The following DLG2 variants were observed in gnomAD, a reference collection of about 807,000 sequenced individuals.
DLG2 encodes disks large homolog 2.
In DLG2, 45 loss-of-function variants were observed where a neutral mutation model predicts 132.5. The observed-to-expected ratio is 0.34, with a 90% CI of 0.27 to 0.44. The LOEUF is 0.44. DLG2 is among the 20% of genes least tolerant of loss of function. The pLI is 1.00. For synonymous variants in DLG2, 424 were observed against 419.6 expected, an observed-to-expected ratio of 1.01 and a Z score of -0.13; for missense variants, 1,045 against 1,196.9, an observed-to-expected ratio of 0.87 and a Z score of 1.87.
intron 7 of DLG2, among the ~76,000 whole-genome samples, chr11:84,343,642 G>A (rs769289714): frequency 6.6e-5 from 10 of 152,052 alleles, no homozygotes; most frequent in Admixed American, 4.6e-4. Flanking sequence ...CTGATTTTGT[G>A]CTTCAAAAAA....
chr11:85,021,458 C>A (rs1431097754), intron 6 of DLG2: 2 of 1,418,584 alleles, frequency 1.4e-6, no homozygotes, highest in Non-Finnish European at 2.0e-6. Context: ...CCTGCTACAG[C>A]AGCCCGGGCA....
chr11:83,764,163 G>A (rs560980664), intron 18 of DLG2, among the ~76,000 whole-genome samples: 52 of 152,174 alleles, frequency 3.4e-4, no homozygotes, highest in Middle Eastern at 3.4e-3. Flanking sequence ...CAGTACTATC[G>A]CATGGCTGGA....
intron 3 of DLG2, among the ~76,000 whole-genome samples, chr11:85,434,307 A>G (rs773899392): frequency 2.0e-5 from 3 of 152,238 alleles, no homozygotes; most frequent in East Asian, 3.9e-4. Context: ...GCAGAAGAAG[A>G]GAAATAACTA....
chr11:83,930,161 G>C (rs931865240), intron 15 of DLG2, among the ~76,000 whole-genome samples, 167 bp downstream of exon 15: 22 of 152,112 alleles, frequency 1.4e-4, no homozygotes, highest in Non-Finnish European at 2.8e-4. Context: ...AAACAAAAAG[G>C]CAATGTTCTT....
chr11:85,186,821 GTTAT>G (rs2080137726), intron 4 of DLG2, among the ~76,000 whole-genome samples: 1 of 151,980 alleles, frequency 6.6e-6, no homozygotes, highest in South Asian at 2.1e-4. Context: ...CGGGTTTCAA[GTTAT>G]AATTCATCAT....
chr11:85,546,821 T>C (rs1263965461), intron 3 of DLG2, among the ~76,000 whole-genome samples: 2 of 141,142 alleles, frequency 1.4e-5, no homozygotes, highest in African/African-American at 5.5e-5. Flanking sequence ...ACCCCTGCTT[T>C]TTTTTTTTTT....
At chr11:84,890,598 G>A (rs2089204818) in intron 6 of DLG2, 1 of 152,130 alleles carries the variant, frequency 6.6e-6, no homozygotes, top group Admixed American at 6.5e-5. Flanking sequence ...TGTCATTATG[G>A]TTTTTCCTGT....
chr11:83,644,459 A>T (rs758633409), intron 18 of DLG2, among the ~76,000 whole-genome samples: 1 of 152,168 alleles, frequency 6.6e-6, no homozygotes. Context: ...CGTTCTCAAC[A>T]TAATTATCTA....
Position 85,497,944 on chromosome 11 carries a change from A to G in DLG2, c.40+100713T>C, listed in dbSNP as rs12271160. On this transcript the variant is annotated intron_variant, in intron 3 of 27. Coordinates refer to ENST00000376104, the MANE Select transcript of DLG2 (RefSeq NM_001142699.3). ...CCTGAAGGAAGCACCAAACATGGAT[A>G]GGAACAACTGGTACCAGCCACTGCA... 3.3e-3 allele frequency among the ~76,000 whole-genome samples: 499 copies of G among 152,350 alleles called. 3 individuals carry two copies. Among genetic ancestry groups the G allele is most frequent in the African/African-American group, 0.012 (481 of 41,588 alleles).
intron 6 of DLG2, among the ~76,000 whole-genome samples, chr11:84,797,997 C>T (rs2074881506): frequency 6.6e-6 from 1 of 152,138 alleles, no homozygotes; most frequent in African/African-American, 2.4e-5. Context: ...TACTCTTGCT[C>T]TCTTGCTCTC....
At chr11:83,726,878 A>T (rs1316660307) in intron 18 of DLG2, among the ~76,000 whole-genome samples, 2 of 152,150 alleles carry the variant, frequency 1.3e-5, no homozygotes, top group African/African-American at 4.8e-5. Context: ...GACAATAATG[A>T]CCCCTTCAGA....
chr11:83,611,196 A>C (rs1355852446), intron 19 of DLG2, among the ~76,000 whole-genome samples: 2 of 152,184 alleles, frequency 1.3e-5, no homozygotes, highest in East Asian at 3.8e-4. Flanking sequence ...TGGTGTTAAA[A>C]AAATTATGTG....
intron 6 of DLG2, among the ~76,000 whole-genome samples, chr11:84,606,350 T>C (rs2099585654): frequency 6.6e-6 from 1 of 152,138 alleles, no homozygotes; most frequent in East Asian, 1.9e-4. Context: ...GTATATAATG[T>C]GTGTCACTGT....
intron 6 of DLG2, among the ~76,000 whole-genome samples, chr11:85,007,807 A>C (rs555645330): frequency 1.3e-5 from 2 of 151,996 alleles, no homozygotes; most frequent in African/African-American, 4.8e-5. Context: ...GCAATATAAG[A>C]TTGTTAGACC....
intron 3 of DLG2, among the ~76,000 whole-genome samples, chr11:85,447,842 A>G (rs903013019): frequency 6.6e-6 from 1 of 152,206 alleles, no homozygotes; most frequent in African/African-American, 2.4e-5. Context: ...AGACTTGTAC[A>G]TCAATAAATT....
At chr11:84,431,805 A>T (rs1328154012) in intron 7 of DLG2, among the ~76,000 whole-genome samples, 1 of 152,212 alleles carries the variant, frequency 6.6e-6, no homozygotes, top group Non-Finnish European at 1.5e-5. Context: ...TATATTATTA[A>T]TTCTAAGAAT....
At position 84,564,649 on chromosome 11, in the gene DLG2, A is replaced by T. The variant is rs934317492; in HGVS notation, c.358-29918T>A. Among the ~76,000 whole-genome samples the T allele has an allele frequency of 7.9e-5, 12 of 152,306 alleles. No individual in the cohort carries two copies. In the East Asian group the frequency reaches 2.1e-3, roughly 27 times the overall value. ...TTCTTTAACAAAAAGCTATTCTTAC[A>T]GAACTATGCTGAATCATGGCTCTGG... On this transcript the variant is annotated intron_variant, in intron 6 of 27. Transcript: ENST00000376104.
At chr11:84,200,055 G>T (rs2096571736) in intron 8 of DLG2, among the ~76,000 whole-genome samples, 1 of 151,944 alleles carries the variant, frequency 6.6e-6, no homozygotes, top group African/African-American at 2.4e-5. Context: ...GGAATAAAAA[G>T]ATATGTCACA....
intron 5 of DLG2, among the ~76,000 whole-genome samples, chr11:85,145,862 A>T (rs764160980): frequency 1.3e-5 from 2 of 152,042 alleles, no homozygotes; most frequent in Admixed American, 1.3e-4. Context: ...TTAGTAGATC[A>T]TGTTTTCCTG....
Sources: gnomAD v4.1 joint callset for allele counts (sites outside exome capture counted in the v4.1 genomes callset) on GRCh38, gnomAD v4.1.1 for gene constraint, MANE v1.5 for transcripts, NCBI Gene and HGNC (gene_info 2026-07-23, HGNC 2026-07-21) for gene names.